Variants in PRKCB observed in about 807,000 individuals in gnomAD.
PRKCB encodes the protein protein kinase C beta type.
Under a neutral mutation model 81.5 loss-of-function variants are expected in PRKCB, and 13 were observed. The observed-to-expected ratio is 0.16, with a 90% CI of 0.10 to 0.25. The LOEUF is 0.25. PRKCB is among the 10% of genes least tolerant of loss of function. The pLI is 1.00. For synonymous variants in PRKCB, 335 were observed against 321.4 expected (o/e 1.04, Z -0.45); for missense variants, 509 against 875.7 (o/e 0.58, Z 5.29).
At chr16:24,167,911 A>G (rs1003946905) in intron 10 of PRKCB, among the ~76,000 whole-genome samples, 2 of 152,232 alleles carry the variant, frequency 1.3e-5, no homozygotes, top group Non-Finnish European at 2.9e-5. Context: ...GAATGATTAT[A>G]CTTGTCACAT....
chr16:24,092,716 G>A (rs573082286), intron 5 of PRKCB, 75 bp from the exon 6 acceptor site: 1 of 1,414,752 alleles, frequency 7.1e-7, no homozygotes, highest in African/African-American at 1.4e-5. Flanking sequence ...CCTTCCACAA[G>A]TTCTGCAGCT....
At chr16:23,978,956 G>T (rs1186938802) in intron 2 of PRKCB, among the ~76,000 whole-genome samples, 1 of 152,230 alleles carries the variant, frequency 6.6e-6, no homozygotes, top group African/African-American at 2.4e-5. Flanking sequence ...GGCAATAGCA[G>T]TGGATGTGTT....
At chr16:24,128,115 G>C (rs746929590) in intron 9 of PRKCB, among the ~76,000 whole-genome samples, 2 of 144,490 alleles carry the variant, frequency 1.4e-5, no homozygotes, top group Non-Finnish European at 3.1e-5. Context: ...GGTGGTTTGC[G>C]CCTGTAATCC....
At chr16:24,061,519 A>G (rs1965973160) in intron 5 of PRKCB, among the ~76,000 whole-genome samples, 2 of 152,194 alleles carry the variant, frequency 1.3e-5, no homozygotes, top group African/African-American at 4.8e-5. Flanking sequence ...TGGAGCCATC[A>G]CTAGCAATGG....
At chr16:23,849,503 T>G (rs1190691891) in intron 2 of PRKCB, among the ~76,000 whole-genome samples, 1 of 152,242 alleles carries the variant, frequency 6.6e-6, no homozygotes, top group African/African-American at 2.4e-5. Flanking sequence ...TGGATTTTTT[T>G]GCATGTGTAT....
intron 2 of PRKCB, among the ~76,000 whole-genome samples, chr16:23,875,677 TCACA>T (rs10577969): frequency 2.5e-5 from 2 of 81,258 alleles, no homozygotes; most frequent in African/African-American, 4.5e-5. Context: ...TGTATGTATA[TCACA>T]CACATATATG....
intron 2 of PRKCB, among the ~76,000 whole-genome samples, chr16:23,981,693 C>T (rs1964709426): frequency 9.1e-6 from 1 of 109,514 alleles, no homozygotes; most frequent in Admixed American, 8.7e-5. Flanking sequence ...CCTTCCCTTC[C>T]CCTTCCCTTC....
intron 3 of PRKCB, among the ~76,000 whole-genome samples, chr16:24,021,108 C>CTTTCTTTCTTTCTTTCTTTCTTTTTTTCT (rs1965377890): frequency 1.4e-5 from 1 of 71,142 alleles, no homozygotes; most frequent in African/African-American, 5.1e-5. Flanking sequence ...TCTTTCTTTC[C>CTTTCTTTCTTTCTTTCTTTCTTTTTTTCT]TTCTCTCTCT....
At position 24,151,870 on chromosome 16, in the gene PRKCB, T is replaced by C. The variant is rs868303503; in HGVS notation, c.1066-2814T>C. 5 of 455,598 alleles carry C rather than the reference T, an allele frequency of 1.1e-5. No individual in the cohort carries two copies. The Middle Eastern group carries it at 1.1e-3, about 101-fold the overall frequency. The allele number at this position is 455,598 out of a possible 1,614,324, so 28.2% of individuals were successfully genotyped here. On this transcript the variant is annotated intron_variant, in intron 9 of 16. Coordinates refer to ENST00000643927, the MANE Select transcript of PRKCB (RefSeq NM_002738.7). ...ACGAAATGGGGGTAATTGACACAGA[T>C]GTAGGATGTCCACCCCTGTCCCTGG...
At chr16:24,005,011 T>G (rs1164841739) in intron 3 of PRKCB, among the ~76,000 whole-genome samples, 1 of 152,224 alleles carries the variant, frequency 6.6e-6, no homozygotes, top group Non-Finnish European at 1.5e-5. Flanking sequence ...GGTGGAATGC[T>G]GGCCAGTGAT....
intron 2 of PRKCB, among the ~76,000 whole-genome samples, chr16:23,843,035 T>C (rs916747198): frequency 3.9e-5 from 6 of 152,214 alleles, no homozygotes; most frequent in African/African-American, 1.4e-4. Context: ...CATTCTTGTT[T>C]TTATCAATAT....
intron 7 of PRKCB, among the ~76,000 whole-genome samples, chr16:24,102,081 G>A (rs955767092): frequency 3.9e-5 from 6 of 152,178 alleles, no homozygotes; most frequent in Admixed American, 3.3e-4. Context: ...TAGGTGGAAG[G>A]CTAGAGGGTA....
chr16:24,001,669 T>C (rs1215682502), intron 3 of PRKCB, among the ~76,000 whole-genome samples: 1 of 152,204 alleles, frequency 6.6e-6, no homozygotes, highest in Non-Finnish European at 1.5e-5. Flanking sequence ...GATCTTTTCT[T>C]CTCGTAAAAC....
intron 7 of PRKCB, chr16:24,098,257 GC>G (rs1413757486): frequency 7.2e-5 from 11 of 152,220 alleles, no homozygotes; most frequent in Non-Finnish European, 1.3e-4. Flanking sequence ...ATGGGCATTG[GC>G]CAAAGATTTC....
intron 2 of PRKCB, among the ~76,000 whole-genome samples, chr16:23,932,377 G>T (rs1963990679): frequency 6.6e-6 from 1 of 152,140 alleles, no homozygotes; most frequent in Admixed American, 6.5e-5. Flanking sequence ...GAATTTATGG[G>T]TAAAATAAAA....
intron 16 of PRKCB, among the ~76,000 whole-genome samples, chr16:24,211,485 A>G (rs1327322148): frequency 1.3e-5 from 2 of 152,112 alleles, no homozygotes; most frequent in African/African-American, 2.4e-5. Context: ...CTGAAACTTT[A>G]AGGAACTTGC....
At position 24,006,252 on chromosome 16, in the gene PRKCB, G is replaced by A. The variant is rs376065421; in HGVS notation, c.288+17662G>A. Among the ~76,000 whole-genome samples, 37 of 152,310 alleles carry A rather than the reference G, an allele frequency of 2.4e-4. No individual in the cohort carries two copies. In the East Asian group the frequency reaches 5.4e-3, roughly 22 times the overall value. On this transcript the variant is annotated intron_variant, in intron 3 of 16. Transcript: ENST00000643927. ...CCTTAGAAGGAGTCTGGAGATACTC[G>A]AGGATTGGCCTCTCTAGCTCAGAGG...
chr16:23,904,272 C>A (rs1462629136), intron 2 of PRKCB, among the ~76,000 whole-genome samples: 1 of 152,192 alleles, frequency 6.6e-6, no homozygotes, highest in Non-Finnish European at 1.5e-5. Context: ...TGTCAAGCCA[C>A]TCTGTGCCTC....
intron 5 of PRKCB, among the ~76,000 whole-genome samples, chr16:24,053,030 C>T (rs1965861491): frequency 6.6e-6 from 1 of 152,194 alleles, no homozygotes; most frequent in African/African-American, 2.4e-5. Flanking sequence ...CACTTGAGCT[C>T]TAAATTTTAA....
Sources: gnomAD v4.1 joint callset for allele counts (sites outside exome capture counted in the v4.1 genomes callset) on GRCh38, gnomAD v4.1.1 for gene constraint, MANE v1.5 for transcripts, NCBI Gene and HGNC (gene_info 2026-07-23, HGNC 2026-07-21) for gene names.